The following GRK3 variants were observed in gnomAD, a reference collection of about 807,000 sequenced individuals.
GRK3 encodes adrenergic, beta, receptor kinase 2.
GRK3 carries 54 observed loss-of-function variants against 95.7 expected under a neutral mutation model. The ratio of observed to expected loss-of-function variants is 0.56; its 90% CI spans 0.45 to 0.71. The LOEUF is 0.71. Ranked by LOEUF, GRK3 falls within the 30% of genes least tolerant of loss-of-function variation. The pLI is 0.00. For missense variants in GRK3, 649 were observed against 851.2 expected (o/e 0.76, Z 2.96); for synonymous variants, 281 against 290.8 (o/e 0.97, Z 0.34).
chr22:25,674,685 C>T (rs988568593), intron 8 of GRK3, among the ~76,000 whole-genome samples, 157 bp downstream of exon 8: 1 of 152,162 alleles, frequency 6.6e-6, no homozygotes. Context: ...CGTGGTGGCT[C>T]ACGCCTGTAA....
At position 25,633,789 on chromosome 22, in the gene GRK3, T is replaced by C. The variant is rs183528471; in HGVS notation, c.191-10803T>C. 1.6e-3 allele frequency among the ~76,000 whole-genome samples: 249 copies of C among 152,344 alleles called. 1 individual carries two copies. The highest frequency in any genetic ancestry group is 5.7e-3 in the African/African-American group (239 of 41,594). On this transcript the variant is annotated intron_variant, in intron 2 of 20. Coordinates refer to ENST00000324198, the MANE Select transcript of GRK3 (RefSeq NM_005160.4). ...TTTAAATAGTTTGTTTTTCATGTTT[T>C]ATTTTAATGCTTTGGTTGGTCAAAC... is the stretch of plus-strand genomic sequence containing the variant.
At position 25,636,741 on chromosome 22, in the gene GRK3, AT is replaced by A. The variant is rs570333639; in HGVS notation, c.191-7841del. Among the ~76,000 whole-genome samples, 21 of 150,574 alleles carry A rather than the reference AT, an allele frequency of 1.4e-4. 1 individual carries two copies. In the South Asian group the frequency reaches 3.2e-3, roughly 23 times the overall value. Reference sequence around the variant, plus strand: ...GTTCATAGACGCAAGCATTTTTCTGATTTTTTTTTTAAAAACCATAGATCAG... The same window carrying A: ...GTTCATAGACGCAAGCATTTTTCTGATTTTTTTTTAAAAACCATAGATCAG... On this transcript the variant is annotated intron_variant, in intron 2 of 20. Transcript: ENST00000324198.
At chr22:25,660,825 G>A (rs1415357049) in intron 3 of GRK3, among the ~76,000 whole-genome samples, 1 of 152,128 alleles carries the variant, frequency 6.6e-6, no homozygotes, top group Admixed American at 6.5e-5. Context: ...AATAAATTGG[G>A]AACAATTCTG....
intron 2 of GRK3, among the ~76,000 whole-genome samples, chr22:25,634,422 G>A (rs1267324109): frequency 6.6e-6 from 1 of 152,194 alleles, no homozygotes; most frequent in East Asian, 1.9e-4. Flanking sequence ...TTATATGGGA[G>A]CTAGTGTGCT....
chr22:25,571,531 A>G (rs1282690983), intron 1 of GRK3, among the ~76,000 whole-genome samples: 1 of 152,172 alleles, frequency 6.6e-6, no homozygotes, highest in East Asian at 1.9e-4. Context: ...GAAATGATTA[A>G]AAACACTTAT....
At chr22:25,662,408 C>T (rs560029720) in intron 4 of GRK3, among the ~76,000 whole-genome samples, 2 of 152,306 alleles carry the variant, frequency 1.3e-5, no homozygotes, top group South Asian at 4.1e-4. Flanking sequence ...AGCCACATTT[C>T]CAGTACTCAG....
intron 1 of GRK3, among the ~76,000 whole-genome samples, chr22:25,567,915 A>G (rs1931548680): frequency 6.6e-6 from 1 of 152,234 alleles, no homozygotes; most frequent in Non-Finnish European, 1.5e-5. Context: ...CATTCTGCCC[A>G]GGGGAGATTT....
rs567032935 is a variant in GRK3 at position 25,729,204 on chromosome 22, C to T, written c.*6754C>T. ...TGGGGCACACCACCGTCAGCACCAC[C>T]GTTTTTACAGTTACTTTGGAGCTGC... is the stretch of plus-strand genomic sequence containing the variant. On this transcript the variant is annotated 3_prime_UTR_variant, in exon 21 of 21. Transcript: ENST00000324198. 1.3e-5 allele frequency: 2 copies of T among 152,332 alleles called. No individual in the cohort carries two copies. The highest frequency in any genetic ancestry group is 1.9e-4 in the East Asian group (1 of 5,180). The allele number at this position is 152,332 out of a possible 1,614,324, so 9.4% of individuals were successfully genotyped here.
chr22:25,610,853 G>GCA (rs2084491403), intron 2 of GRK3, among the ~76,000 whole-genome samples: 1 of 152,046 alleles, frequency 6.6e-6, no homozygotes, highest in Admixed American at 6.6e-5. Flanking sequence ...TATGGACAGA[G>GCA]CACACTTTTT....
At position 25,724,463 on chromosome 22, in the gene GRK3, A is replaced by C. The variant is rs892873000; in HGVS notation, c.*2013A>C. ...ATTGAGCTGATCCGCATCTCTTTCA[A>C]AAACTAGAATTTCTGCTCTAAGAAT... On this transcript the variant is annotated 3_prime_UTR_variant, in exon 21 of 21. Transcript: ENST00000324198. 3 of 152,214 alleles carry C rather than the reference A, an allele frequency of 2.0e-5. No individual in the cohort carries two copies. The highest frequency in any genetic ancestry group is 7.2e-5 in the African/African-American group (3 of 41,446). The allele number at this position is 152,214 out of a possible 1,614,324, so 9.4% of individuals were successfully genotyped here.
chr22:25,720,427 A>C (rs2085421828), intron 19 of GRK3, among the ~76,000 whole-genome samples: 1 of 150,016 alleles, frequency 6.7e-6, no homozygotes, highest in Non-Finnish European at 1.5e-5. Context: ...TAAGGAACTC[A>C]TGACACTATA....
intron 2 of GRK3, among the ~76,000 whole-genome samples, chr22:25,624,444 G>A (rs2084611860): frequency 6.6e-6 from 1 of 152,098 alleles, no homozygotes; most frequent in African/African-American, 2.4e-5. Flanking sequence ...GGCACCTGTA[G>A]TCCCAGCTAC....
At chr22:25,631,486 T>A (rs1241041176) in intron 2 of GRK3, among the ~76,000 whole-genome samples, 1 of 152,234 alleles carries the variant, frequency 6.6e-6, no homozygotes, top group African/African-American at 2.4e-5. Flanking sequence ...TGAGGGAACA[T>A]CTCTGAGCTT....
intron 8 of GRK3, 39 bp downstream of exon 8, chr22:25,674,567 A>C: frequency 7.1e-7 from 1 of 1,413,976 alleles, no homozygotes; most frequent in Non-Finnish European, 9.9e-7. Context: ...TGGCACTATT[A>C]AAATTTTAAT....
intron 2 of GRK3, among the ~76,000 whole-genome samples, chr22:25,635,840 G>C (rs1569173244): frequency 6.6e-6 from 1 of 152,156 alleles, no homozygotes; most frequent in African/African-American, 2.4e-5. Context: ...TTATCCACTA[G>C]TTTTGGCACC....
intron 2 of GRK3, among the ~76,000 whole-genome samples, chr22:25,608,952 A>C (rs1208980114): frequency 2.6e-5 from 4 of 152,212 alleles, no homozygotes; most frequent in Non-Finnish European, 5.9e-5. Flanking sequence ...AATTGCCACT[A>C]TTCAGAATAA....
chr22:25,694,405 G>T (rs2085190061), intron 12 of GRK3, among the ~76,000 whole-genome samples: 2 of 152,188 alleles, frequency 1.3e-5, no homozygotes. Flanking sequence ...AGTGGGAAGG[G>T]CTTTCGAATT....
intron 9 of GRK3, among the ~76,000 whole-genome samples, chr22:25,680,978 G>A (rs998712255): frequency 3.3e-5 from 5 of 149,428 alleles, no homozygotes; most frequent in African/African-American, 4.9e-5. Flanking sequence ...CTCAACTTGA[G>A]TATTCCTACC....
At chr22:25,592,152 A>G (rs1024382037) in intron 1 of GRK3, among the ~76,000 whole-genome samples, 1 of 152,140 alleles carries the variant, frequency 6.6e-6, no homozygotes, top group African/African-American at 2.4e-5. Context: ...AACATTTAGT[A>G]TGGTCTTTTG....
Sources: allele counts gnomAD v4.1 joint callset (sites outside exome capture counted in the v4.1 genomes callset), GRCh38; gene constraint gnomAD v4.1.1; transcripts MANE v1.5; gene names NCBI Gene and HGNC (gene_info 2026-07-23, HGNC 2026-07-21).